Variants in ACAD11 observed in about 807,000 individuals in gnomAD.
ACAD11 encodes acyl-Coenzyme A dehydrogenase family, member 11.
In ACAD11, 83 loss-of-function variants were observed where a neutral mutation model predicts 102.2. The observed-to-expected ratio is 0.81, with a 90% CI of 0.68 to 0.97. ACAD11 has a LOEUF of 0.97. ACAD11 is among the 50% of genes least tolerant of loss of function. ACAD11 has a pLI of 0.00. For synonymous variants in ACAD11, 324 were observed against 319.8 expected, an observed-to-expected ratio of 1.01 and a Z score of -0.14; for missense variants, 901 against 951.7, an observed-to-expected ratio of 0.95 and a Z score of 0.70.
chr3:132,636,036 C>A (rs1940261886), intron 5 of ACAD11, among the ~76,000 whole-genome samples: 2 of 152,044 alleles, frequency 1.3e-5, no homozygotes, highest in Admixed American at 1.3e-4. Context: ...TTTTTTAATA[C>A]AATTGGGAAA....
At chr3:132,614,320 A>G (rs911117932) in intron 11 of ACAD11, among the ~76,000 whole-genome samples, 1 of 152,208 alleles carries the variant, frequency 6.6e-6, no homozygotes, top group African/African-American at 2.4e-5. Flanking sequence ...TTAGAAAAAA[A>G]GTACTTTAAA....
intron 13 of ACAD11, among the ~76,000 whole-genome samples, chr3:132,594,638 C>T (rs530870963): frequency 5.9e-5 from 9 of 152,122 alleles, no homozygotes; most frequent in African/African-American, 2.2e-4. Flanking sequence ...TATATCTGAT[C>T]TAATCTGAAA....
Position 132,642,051 on chromosome 3 carries a change from A to C in ACAD11, c.458T>G (p.Leu153Trp). 1 of 1,614,108 alleles carries C rather than the reference A, an allele frequency of 6.2e-7. No individual in the cohort carries two copies. The highest frequency in any genetic ancestry group is 8.5e-7 in the Non-Finnish European group (1 of 1,179,984). Residue 153 changes from leucine (L) to tryptophan (W), a missense_variant, in exon 4 of 20, where the codon TTG becomes TGG. Transcript: ENST00000264990. ...TATATTCAAGGAATGTAACTGAGCC[A>C]ATGTTTCTACCGTGGCCACATATAT... ...SAIYVATVET[L>W]AQLHSLNIQS...
At chr3:132,645,183 C>T (rs1940672143) in intron 1 of ACAD11, among the ~76,000 whole-genome samples, 1 of 152,174 alleles carries the variant, frequency 6.6e-6, no homozygotes, top group Non-Finnish European at 1.5e-5. Context: ...AGAACAATGA[C>T]TGATCTAAGT....
At chr3:132,653,792 T>C (rs1222461931) in intron 1 of ACAD11, among the ~76,000 whole-genome samples, 3 of 152,190 alleles carry the variant, frequency 2.0e-5, no homozygotes, top group Non-Finnish European at 4.4e-5. Flanking sequence ...CCTTTGTAGG[T>C]TTCTCTTAAT....
At chr3:132,653,844 C>T (rs959655995) in intron 1 of ACAD11, among the ~76,000 whole-genome samples, 2 of 152,162 alleles carry the variant, frequency 1.3e-5, no homozygotes, top group Admixed American at 1.3e-4. Context: ...ACTCAGTCTC[C>T]AAACCTCCTT....
chr3:132,576,074 C>G, intron 16 of ACAD11, 148 bp from the exon 17 acceptor site: 1 of 815,712 alleles, frequency 1.2e-6, no homozygotes, highest in Non-Finnish European at 1.9e-6. Flanking sequence ...ATAAGGTTCA[C>G]TATGAATTCA....
In ACAD11 at chr3:132,642,757, A is replaced by G; in HGVS notation, c.295T>C (p.Phe99Leu). ...KVQKALFSIGFPVPKPILYCS... is the reference protein window; with the variant it reads ...KVQKALFSIGLPVPKPILYCS... ...TACAGTATAGGCTTGGGAACGGGGA[A>G]TCCAATTGAAAACAAGGCTTTCTGG... is the stretch of plus-strand genomic sequence containing the variant. The change falls in exon 3 of 20, where the codon TTC (phenylalanine) becomes CTC (leucine). Residue 99 changes from phenylalanine (F) to leucine (L), a missense_variant. Phe to Leu is a conservative substitution (Grantham distance 22, BLOSUM62 0). Coordinates refer to ENST00000264990, the MANE Select transcript of ACAD11 (RefSeq NM_032169.5). 6.2e-7 allele frequency: 1 copy of G among 1,613,350 alleles called. No homozygotes were observed. Among genetic ancestry groups the G allele is most frequent in the Non-Finnish European group, 8.5e-7 (1 of 1,179,694 alleles).
At chr3:132,611,707 G>A (rs1939158482) in intron 11 of ACAD11, among the ~76,000 whole-genome samples, 1 of 151,904 alleles carries the variant, frequency 6.6e-6, no homozygotes, top group African/African-American at 2.4e-5. Flanking sequence ...ACAAACCACT[G>A]CTCAATGAAA....
intron 12 of ACAD11, among the ~76,000 whole-genome samples, chr3:132,604,258 A>AT (rs1292658217): frequency 6.6e-6 from 1 of 152,166 alleles, no homozygotes; most frequent in African/African-American, 2.4e-5. Context: ...GAGTATTGTT[A>AT]TAATTGTTCT....
chr3:132,641,814 A>C (rs938749327), intron 4 of ACAD11, among the ~76,000 whole-genome samples, 158 bp downstream of exon 4: 1 of 152,234 alleles, frequency 6.6e-6, no homozygotes, highest in Non-Finnish European at 1.5e-5. Flanking sequence ...TAAAAACATA[A>C]GATAATTTTA....
At chr3:132,648,729 G>A (rs544380923) in intron 1 of ACAD11, 7 of 152,310 alleles carry the variant, frequency 4.6e-5, no homozygotes, top group East Asian at 1.9e-4. Flanking sequence ...GACCAAGTGC[G>A]TTTAATAAAA....
chr3:132,559,777 A>AT lies in ACAD11; in HGVS notation c.2228+55dup, dbSNP rs1354045794. 7.7e-6 allele frequency: 11 copies of AT among 1,430,764 alleles called. No homozygotes were observed. The African/African-American group carries it at 1.1e-4, about 15-fold the overall frequency. The allele number at this position is 1,430,764 out of a possible 1,614,324, so 88.6% of individuals were successfully genotyped here. A position where few individuals can be genotyped will look rare whatever the true frequency, so the allele number is the denominator to read the frequency against. On this transcript the variant is annotated intron_variant, in intron 19 of 19. Coordinates refer to ENST00000264990, the MANE Select transcript of ACAD11 (RefSeq NM_032169.5). ...GCAATTAATGTCAAGGCATCTGTAG[A>AT]TTTTTTACCTCCACGCCTATCAAAC...
chr3:132,589,923 G>A (rs1938006113), intron 13 of ACAD11, among the ~76,000 whole-genome samples: 1 of 152,080 alleles, frequency 6.6e-6, no homozygotes, highest in Admixed American at 6.5e-5. Context: ...GCGTTCGTAA[G>A]TTCTCATCAT....
Position 132,658,608 on chromosome 3 carries a change from T to C in ACAD11, c.149+995A>G, listed in dbSNP as rs180768008. On this transcript the variant is annotated intron_variant, in intron 1 of 19. Coordinates refer to ENST00000264990, the MANE Select transcript of ACAD11 (RefSeq NM_032169.5). The stretch of plus-strand genomic sequence containing the variant: ...TTGTTACAACACAAGGCTTCTAGCC[T>C]AGAAATCTCAGCTATTCTTTATTCC... Among the ~76,000 whole-genome samples, 113 of 152,358 alleles carry C rather than the reference T, an allele frequency of 7.4e-4. 1 individual carries two copies. The highest frequency in any genetic ancestry group is 2.6e-3 in the African/African-American group (108 of 41,594).
intron 13 of ACAD11, among the ~76,000 whole-genome samples, chr3:132,592,644 A>T (rs1938127288): frequency 6.6e-6 from 1 of 152,234 alleles, no homozygotes; most frequent in East Asian, 1.9e-4. Flanking sequence ...ACAATTACAT[A>T]CTATGAAGCA....
chr3:132,644,870 T>G lies in ACAD11; in HGVS notation c.176A>C (p.Tyr59Ser). ...ATATGTTTGAAAGCCCTTCTGGAGA[T>G]AAAAGGTTGGATTGGACTTTCCTGC... ...YRAGKSNPTF[Y>S]LQKGFQTYVL... The change falls in exon 2 of 20, where the codon TAT (tyrosine) becomes TCT (serine). Residue 59 changes from tyrosine to serine, a missense_variant. By Grantham distance (144) the Tyr-to-Ser change is moderately radical (BLOSUM62 -2). Transcript: ENST00000264990. 3 of 1,609,328 alleles carry G rather than the reference T, an allele frequency of 1.9e-6. No homozygotes were observed. The highest frequency in any genetic ancestry group is 2.5e-6 in the Non-Finnish European group (3 of 1,178,462).
intron 10 of ACAD11, chr3:132,618,996 G>C: frequency 4.9e-6 from 2 of 405,614 alleles, no homozygotes; most frequent in East Asian, 7.7e-5. Flanking sequence ...AAGCTTCCTT[G>C]GATTTGGCTG....
At chr3:132,611,221 T>C (rs1939124720) in intron 11 of ACAD11, among the ~76,000 whole-genome samples, 1 of 152,038 alleles carries the variant, frequency 6.6e-6, no homozygotes, top group Non-Finnish European at 1.5e-5. Context: ...ATGGGACGTA[T>C]CTCAAAATAA....
Sources: gnomAD v4.1 joint callset for allele counts (sites outside exome capture counted in the v4.1 genomes callset) on GRCh38, gnomAD v4.1.1 for gene constraint, MANE v1.5 for transcripts, NCBI Gene and HGNC (gene_info 2026-07-23, HGNC 2026-07-21) for gene names.